ZBED6: variants seen among roughly 807,000 people sequenced by gnomAD.
ZBED6 encodes zinc finger BED-type containing 6.
ZBED6 carries 40 observed loss-of-function variants against 58.4 expected under a neutral mutation model. The observed-to-expected ratio is 0.68, with a 90% CI of 0.53 to 0.89. The LOEUF is 0.89. Among genes scored for constraint, ZBED6 ranks in the 40% least tolerant of loss-of-function variants. The pLI is 0.00. For missense variants in ZBED6, 1,057 were observed against 1,003.9 expected (o/e 1.05, Z -0.71); for synonymous variants, 439 against 350.6 (o/e 1.25, Z -2.82).
chr1:203,846,641 G>A (rs1687981135), intron 11 of ZBED6, among the ~76,000 whole-genome samples: 1 of 152,120 alleles, frequency 6.6e-6, no homozygotes, highest in Non-Finnish European at 1.5e-5. Flanking sequence ...CTAGCCCAGT[G>A]TTCATTACAT....
At chr1:203,834,656 T>A (rs1683644582) in intron 9 of ZBED6, among the ~76,000 whole-genome samples, 1 of 152,138 alleles carries the variant, frequency 6.6e-6, no homozygotes, top group South Asian at 2.1e-4. Context: ...AAAAAATTAT[T>A]ATTATCATTT....
At chr1:203,797,415 A>G (rs746580216) in exon 1 of ZBED6, 6 of 1,129,666 alleles carry the variant, frequency 5.3e-6, no homozygotes, top group Non-Finnish European at 7.2e-6. Flanking sequence ...TTGATTCCCC[A>G]TAGAAACTGG....
rs570982249 is a variant in ZBED6 at position 203,843,013 on chromosome 1, C to T, written c.*3741+2639C>T. On this transcript the variant is annotated intron_variant, in intron 11 of 16. Coordinates refer to ENST00000550078, the Ensembl canonical transcript of ZBED6. ...CTCTATTTATGAATGCTGTTAGCCACCTTAGGTTACTTTTTATCCCCCATC... is the reference window on the plus strand; with the variant it reads ...CTCTATTTATGAATGCTGTTAGCCATCTTAGGTTACTTTTTATCCCCCATC... Among the ~76,000 whole-genome samples the T allele has an allele frequency of 3.2e-4, 48 of 151,396 alleles. No individual in the cohort carries two copies. In the South Asian group the frequency reaches 9.2e-3, roughly 29 times the overall value.
chr1:203,851,134 T>G lies in ZBED6; in HGVS notation c.*4873+10T>G, dbSNP rs562487458. 1.9e-6 allele frequency: 3 copies of G among 1,613,738 alleles called. No homozygotes were observed. Among genetic ancestry groups the G allele is most frequent in the East Asian group, 2.2e-5 (1 of 44,876 alleles). On this transcript the variant is annotated intron_variant, in intron 16 of 16. Transcript: ENST00000550078. ...AAAATCCTAGAGACAGGTAATACTT[T>G]GTAATTCTTTCTAAACAAACTCCAG...
intron 9 of ZBED6, chr1:203,835,682 G>T (rs1684093789): frequency 4.0e-6 from 1 of 247,460 alleles, no homozygotes; most frequent in Non-Finnish European, 8.7e-6. Flanking sequence ...TGTTTCCATG[G>T]GCTTGAGTTA....
At position 203,831,655 on chromosome 1, in the gene ZBED6, A is replaced by T. The variant is rs899324869; in HGVS notation, c.*3400-6A>T. ...TATTTGCTGTTCTTTGACTTGCCTT[A>T]TTCAGAGGGTTCTTCAGGAGTTTCC... On this transcript the variant is annotated splice_polypyrimidine_tract_variant and splice_region_variant and intron_variant, in intron 7 of 16. Transcript: ENST00000550078. 2 of 1,609,330 alleles carry T rather than the reference A, an allele frequency of 1.2e-6. No homozygotes were observed. Among genetic ancestry groups the T allele is most frequent in the African/African-American group, 1.3e-5 (1 of 74,842 alleles).
chr1:203,823,088 AATGT>A (rs1679315880), intron 3 of ZBED6, among the ~76,000 whole-genome samples: 1 of 222 alleles, frequency 4.5e-3, no homozygotes, highest in Admixed American at 0.5. Context: ...ATGAAAAGTC[AATGT>A]TGTAACATTT....
chr1:203,823,905 T>C (rs190713681), intron 3 of ZBED6, among the ~76,000 whole-genome samples: 221 of 152,292 alleles, frequency 1.5e-3, no homozygotes, highest in African/African-American at 5.0e-3. Context: ...GAAACTAATT[T>C]ATTGATACGG....
chr1:203,817,999 G>A (rs551738408), intron 2 of ZBED6, among the ~76,000 whole-genome samples: 6 of 152,004 alleles, frequency 3.9e-5, no homozygotes, highest in East Asian at 1.9e-4. Flanking sequence ...TGCCCGCCTC[G>A]GCCTCCCAAA....
At position 203,846,163 on chromosome 1, in the gene ZBED6, G is replaced by C. The variant is rs373624023; in HGVS notation, c.*3742-1021G>C. Among the ~76,000 whole-genome samples, 459 of 149,210 alleles carry C rather than the reference G, an allele frequency of 3.1e-3. 2 individuals carry two copies. In the Middle Eastern group the frequency reaches 0.032, roughly 10 times the overall value. On this transcript the variant is annotated intron_variant, in intron 11 of 16. Transcript: ENST00000550078. ...TTTTGAAAAGATATAATTTTTTTGG[G>C]GGGGGGGTTCATTAAAAGCTGTTAT...
intron 3 of ZBED6, among the ~76,000 whole-genome samples, chr1:203,826,368 TTGA>T (rs1680533203): frequency 6.7e-6 from 1 of 148,878 alleles, no homozygotes; most frequent in Non-Finnish European, 1.5e-5. Context: ...TAAATAAATA[TTGA>T]TTAATAATAA....
intron 3 of ZBED6, among the ~76,000 whole-genome samples, chr1:203,820,794 A>AT (rs1370560547): frequency 6.6e-6 from 1 of 152,040 alleles, no homozygotes; most frequent in Non-Finnish European, 1.5e-5. Context: ...TTTTTGTTGC[A>AT]TATCATCCCG....
At chr1:203,829,817 T>C (rs1681672224) in exon 6 of ZBED6, 8 of 1,614,008 alleles carry the variant, frequency 5.0e-6, no homozygotes, top group Non-Finnish European at 6.8e-6. Flanking sequence ...CCAAAACACC[T>C]ACCCTGCAAC....
At chr1:203,808,149 T>C (rs557541793) in intron 1 of ZBED6, among the ~76,000 whole-genome samples, 1 of 152,342 alleles carries the variant, frequency 6.6e-6, no homozygotes, top group African/African-American at 2.4e-5. Flanking sequence ...ATAGGTGATA[T>C]ACTTTTTGAG....
chr1:203,848,467 G>A, intron 13 of ZBED6, 60 bp downstream of exon 13: 4 of 1,303,556 alleles, frequency 3.1e-6, no homozygotes, highest in South Asian at 1.3e-5. Context: ...ATAATTGGTA[G>A]TTTTACCTTA....
At chr1:203,850,106 G>C (rs1233066108) in intron 14 of ZBED6, 80 bp downstream of exon 14, 13 of 1,320,896 alleles carry the variant, frequency 9.8e-6, no homozygotes, top group Non-Finnish European at 1.3e-5. Context: ...TAACTTCCTG[G>C]CAACAATTGG....
chr1:203,833,631 T>C (rs1051987335), intron 8 of ZBED6, among the ~76,000 whole-genome samples, 160 bp from the exon 9 acceptor site: 4 of 150,122 alleles, frequency 2.7e-5, no homozygotes, highest in African/African-American at 4.9e-5. Flanking sequence ...TTTTTTTTTT[T>C]TTTTTGATAT....
At chr1:203,817,096 A>T in exon 2 of ZBED6, 2 of 1,587,838 alleles carry the variant, frequency 1.3e-6, no homozygotes, top group Non-Finnish European at 1.7e-6. Context: ...GAAGACTGCT[A>T]TTTTTTTTTC....
chr1:203,796,612 G>A lies in ZBED6; in HGVS notation c.-911G>A. On this transcript the variant is annotated 5_prime_UTR_variant, in exon 1 of 17. An upstream start codon of the reference 5' UTR is lost. Coordinates refer to ENST00000550078, the Ensembl canonical transcript of ZBED6. Reference sequence around the variant, plus strand: ...GCGATGCTTTTTAGGGTAAATGTATGTAGGTATTGGGGGAAGGGGAGGGAT... The same window carrying A: ...GCGATGCTTTTTAGGGTAAATGTATATAGGTATTGGGGGAAGGGGAGGGAT... The A allele has an allele frequency of 2.5e-6, 1 of 396,202 alleles. No homozygotes were observed. Among genetic ancestry groups the A allele is most frequent in the Non-Finnish European group, 4.4e-6 (1 of 224,832 alleles). 24.5% of individuals were successfully genotyped at this position (396,202 alleles called of 1,614,324 possible).
Sources: gnomAD v4.1 joint callset for allele counts (sites outside exome capture counted in the v4.1 genomes callset) on GRCh38, gnomAD v4.1.1 for gene constraint, MANE v1.5 for transcripts, NCBI Gene and HGNC (gene_info 2026-07-23, HGNC 2026-07-21) for gene names.